The following DYSF variants were observed in gnomAD, a reference collection of about 807,000 sequenced individuals.
DYSF encodes the protein dysferlin.
DYSF carries 212 observed loss-of-function variants against 274.9 expected under a neutral mutation model. That is an observed-to-expected ratio of 0.77 (90% CI 0.69 to 0.86). DYSF has a LOEUF of 0.86. Among genes scored for constraint, DYSF ranks in the 40% least tolerant of loss-of-function variants. The pLI, the probability that DYSF is intolerant of heterozygous loss-of-function variation, is 0.00. For synonymous variants in DYSF, 1,091 were observed against 1,078.7 expected (o/e 1.01, Z -0.22); for missense variants, 2,666 against 2,783.2 (o/e 0.96, Z 0.95).
At chr2:71,666,125 GC>G (rs1260021246) in intron 47 of DYSF, among the ~76,000 whole-genome samples, 2 of 149,980 alleles carry the variant, frequency 1.3e-5, no homozygotes, top group African/African-American at 2.5e-5. Flanking sequence ...CCCCAGCCCT[GC>G]CCCCCTTCAT....
chr2:71,519,486 G>C (rs1211295368), intron 10 of DYSF, among the ~76,000 whole-genome samples: 2 of 151,872 alleles, frequency 1.3e-5, no homozygotes, highest in Admixed American at 6.6e-5. Flanking sequence ...CCTGCCCCCT[G>C]CCCCTGCTGC....
rs1356171555 is a variant in DYSF, at chr2:71,568,208, T to C, written c.2734T>C (p.Trp912Arg). ...GACTAAGTTGGCCCTTGTTGGGAAC[T>C]GGGGCACAACGGGCCTCACCTACCC... ...NETKLALVGN[W>R]GTTGLTYPKF... The change falls in exon 26 of 56, where the codon TGG becomes CGG. Residue 912 changes from tryptophan (W) to arginine (R), a missense_variant. Physicochemically the swap from Trp to Arg is moderately radical, Grantham distance 101. This residue lies in a region of DYSF where 412 missense variants were observed against 504.0 expected (regional missense o/e 0.82). Coordinates refer to ENST00000410020, the MANE Select transcript of DYSF (RefSeq NM_001130987.2). 1 of 1,614,220 alleles carries C rather than the reference T, an allele frequency of 6.2e-7. No individual in the cohort carries two copies. The highest frequency in any genetic ancestry group is 2.2e-5 in the East Asian group (1 of 44,878).
Position 71,668,371 on chromosome 2 carries a change from G to A in DYSF, c.5458-383G>A, listed in dbSNP as rs186486272. ...AAATTCACACCTCGCTTGCAGAGAGGGAGGAGGATAAGGGGTGGGCAGGGA... is the reference window on the plus strand; with the variant it reads ...AAATTCACACCTCGCTTGCAGAGAGAGAGGAGGATAAGGGGTGGGCAGGGA... On this transcript the variant is annotated intron_variant, in intron 48 of 55. Transcript: ENST00000410020. Among the ~76,000 whole-genome samples the A allele has an allele frequency of 3.1e-3, 476 of 152,278 alleles. 4 individuals are homozygous for A. The highest frequency in any genetic ancestry group is 0.011 in the African/African-American group (462 of 41,542).
intron 42 of DYSF, among the ~76,000 whole-genome samples, chr2:71,644,579 T>C (rs1641270997): frequency 6.6e-6 from 1 of 152,078 alleles, no homozygotes. Flanking sequence ...ACTCCTACAA[T>C]TGGGCCAGAA....
In DYSF at chr2:71,611,272, C is replaced by T; in HGVS notation, c.3985C>T (p.Pro1329Ser). The T allele has an allele frequency of 8.1e-6, 13 of 1,614,008 alleles. No homozygotes were observed. The highest frequency in any genetic ancestry group is 1.1e-5 in the Non-Finnish European group (13 of 1,179,890). The stretch of plus-strand genomic sequence containing the variant: ...TGAGGACACAGACCTGCCCTACCCA[C>T]CACCCCAGAGGGAGGCCAACATCTA... ...ESEDTDLPYP[P>S]PQREANIYMV... is the part of the protein sequence containing the mutation. The change falls in exon 37 of 56, where the codon CCA (proline) becomes TCA (serine). Residue 1329 changes from proline (P) to serine (S), a missense_variant. By Grantham distance (74) the Pro-to-Ser change is moderately conservative. Around this residue, in one of 3 missense-constraint regions of DYSF, gnomAD observed 1,460 missense variants for 1,502.1 expected, o/e 0.97. Coordinates refer to ENST00000410020, the MANE Select transcript of DYSF (RefSeq NM_001130987.2).
intron 34 of DYSF, chr2:71,601,251 T>C: frequency 3.2e-6 from 2 of 625,162 alleles, no homozygotes; most frequent in Non-Finnish European, 5.7e-6. Flanking sequence ...GGGTTGGACC[T>C]GTACCTTCAA....
chr2:71,481,321 T>C (rs187525795), intron 2 of DYSF, among the ~76,000 whole-genome samples: 1 of 152,370 alleles, frequency 6.6e-6, no homozygotes, highest in East Asian at 1.9e-4. Flanking sequence ...TGGCTCCTGC[T>C]AGCCCCTGTC....
At chr2:71,681,631 G>C in intron 54 of DYSF, among the ~76,000 whole-genome samples, 1 of 152,164 alleles carries the variant, frequency 6.6e-6, no homozygotes, top group Non-Finnish European at 1.5e-5. Context: ...CTGTGAAATG[G>C]GGAGCCCAAT....
intron 55 of DYSF, 127 bp from the exon 56 acceptor site, chr2:71,686,327 C>T (rs2095356271): frequency 1.7e-6 from 2 of 1,185,096 alleles, no homozygotes; most frequent in Admixed American, 3.4e-5. Flanking sequence ...CCACGAGCGT[C>T]CTCTCCCAGC....
intron 17 of DYSF, among the ~76,000 whole-genome samples, chr2:71,545,644 A>T (rs75392876): frequency 6.6e-6 from 1 of 152,116 alleles, no homozygotes; most frequent in African/African-American, 2.4e-5. Flanking sequence ...ACTGTCTCTC[A>T]TCTCTCAATC....
At position 71,665,243 on chromosome 2, in the gene DYSF, A is replaced by T. The variant is rs1160542117; in HGVS notation, c.5256A>T (p.Ala1752=). ...HLFCQQHRVK[A]PVYRTDRVMF... The stretch of plus-strand genomic sequence containing the variant: ...TCTGCCAGCAGCATAGAGTCAAGGC[A>T]CCTGTGTACCGGACAGACCGTGTAA... Residue 1752 remains alanine (A), a synonymous_variant, in exon 47 of 56, where the codon GCA becomes GCT. Transcript: ENST00000410020. The T allele has an allele frequency of 6.2e-7, 1 of 1,613,990 alleles. No individual in the cohort carries two copies. The highest frequency in any genetic ancestry group is 8.5e-7 in the Non-Finnish European group (1 of 1,180,022).
At chr2:71,537,223 G>GTTTTTTTTTTTTTT (rs71402990) in intron 16 of DYSF, among the ~76,000 whole-genome samples, 1 of 79,626 alleles carries the variant, frequency 1.3e-5, no homozygotes, top group Non-Finnish European at 2.4e-5. Flanking sequence ...TTCTAGTTTT[G>GTTTTTTTTTTTTTT]TTTTTTTTTT....
At chr2:71,543,845 G>C (rs1015763548) in intron 17 of DYSF, among the ~76,000 whole-genome samples, 5 of 151,152 alleles carry the variant, frequency 3.3e-5, no homozygotes, top group Non-Finnish European at 5.9e-5. Context: ...ATCAGAGGGA[G>C]ACCGTGGAAA....
chr2:71,554,869 G>A (rs1250458576), intron 21 of DYSF, among the ~76,000 whole-genome samples: 1 of 152,158 alleles, frequency 6.6e-6, no homozygotes, highest in African/African-American at 2.4e-5. Flanking sequence ...TAGAGGCTAA[G>A]GGAGGTGAGG....
chr2:71,561,062 G>A (rs946252555), intron 22 of DYSF, among the ~76,000 whole-genome samples: 2 of 152,198 alleles, frequency 1.3e-5, no homozygotes, highest in Non-Finnish European at 1.5e-5. Context: ...GGAGGTCAGA[G>A]TTCTTTGCCT....
intron 40 of DYSF, among the ~76,000 whole-genome samples, chr2:71,613,886 C>A (rs912807021): frequency 1.3e-5 from 2 of 152,074 alleles, no homozygotes; most frequent in Non-Finnish European, 2.9e-5. Flanking sequence ...GAGGCTGTGT[C>A]CAAGCCAAGA....
At position 71,515,669 on chromosome 2, in the gene DYSF, T is replaced by C; in HGVS notation, c.806T>C (p.Ile269Thr). ...GGGCGCCAGCTGCCGGGGGTGAACA[T>C]CAAGCCTGTGGTCAAGGTTACCGCT... ...IEGRQLPGVNIKPVVKVTAAG... is the reference protein window; with the variant it reads ...IEGRQLPGVNTKPVVKVTAAG... The change falls in exon 8 of 56, where the codon ATC becomes ACC. Residue 269 changes from isoleucine to threonine, a missense_variant. By Grantham distance (89) the Ile-to-Thr change is moderately conservative. This residue lies in a region of DYSF where 794 missense variants were observed against 777.1 expected (regional missense o/e 1.02). Coordinates refer to ENST00000410020, the MANE Select transcript of DYSF (RefSeq NM_001130987.2). 6.2e-7 allele frequency: 1 copy of C among 1,613,898 alleles called. No individual in the cohort carries two copies. The highest frequency in any genetic ancestry group is 1.3e-5 in the African/African-American group (1 of 74,952).
upstream of DYSF, among the ~76,000 whole-genome samples, chr2:71,465,449 G>T (rs1038524244): frequency 1.3e-5 from 2 of 152,124 alleles, no homozygotes. Flanking sequence ...CGGGAGACAG[G>T]GAGACAAGAC....
chr2:71,660,679 G>A lies in DYSF; in HGVS notation c.5003+28G>A, dbSNP rs187323063. ...AAATTGGGGCATCTTGGGTCTTGGG[G>A]TGGAGGAGCCAGACAGGATAACCCA... On this transcript the variant is annotated intron_variant, in intron 45 of 55. Coordinates refer to ENST00000410020, the MANE Select transcript of DYSF (RefSeq NM_001130987.2). 3.2e-4 allele frequency: 513 copies of A among 1,593,622 alleles called. 2 individuals are homozygous for A. In the African/African-American group the frequency reaches 5.5e-3, roughly 17 times the overall value.
Sources: gnomAD v4.1 joint callset for allele counts (sites outside exome capture counted in the v4.1 genomes callset) on GRCh38, gnomAD v4.1.1 for gene constraint, gnomAD v4.1.1 regional missense constraint, MANE v1.5 for transcripts, NCBI Gene and HGNC (gene_info 2026-07-23, HGNC 2026-07-21) for gene names.